BTBD1: variants seen among roughly 807,000 people sequenced by gnomAD.
BTBD1 encodes BTB domain containing 1.
In BTBD1, 34 loss-of-function variants were observed where a neutral mutation model predicts 48.0. That is an observed-to-expected ratio of 0.71 (90% CI 0.54 to 0.94). The LOEUF is 0.94. BTBD1 is among the 40% of genes least tolerant of loss of function. The probability of loss-of-function intolerance (pLI) is 0.00; values close to 1 mark genes in which losing one functional copy is unlikely to be tolerated. For missense variants in BTBD1, 543 were observed against 625.6 expected (o/e 0.87, Z 1.41); for synonymous variants, 261 against 242.1 (o/e 1.08, Z -0.72).
In BTBD1 at chr15:83,067,091, C is replaced by G; in HGVS notation, c.61G>C (p.Gly21Arg). The G allele has an allele frequency of 1.3e-6, 2 of 1,516,660 alleles. No individual in the cohort carries two copies. Among genetic ancestry groups the G allele is most frequent in the Non-Finnish European group, 1.8e-6 (2 of 1,139,168 alleles). The allele number at this position is 1,516,660 out of a possible 1,614,324, so 94.0% of individuals were successfully genotyped here. ...EQASGAEAEP[G>R]PAGPPPPPSP... ...GGCGGCGGCGGCGGCCCCGCGGGGC[C>G]CGGCTCCGCCTCAGCCCCCGACGCC... Residue 21 changes from glycine to arginine, a missense_variant, in exon 1 of 8, where the codon GGC becomes CGC. Around this residue, in one of 3 missense-constraint regions of BTBD1, gnomAD observed 173 missense variants for 163.9 expected, o/e 1.06. Coordinates refer to ENST00000261721, the MANE Select transcript of BTBD1 (RefSeq NM_025238.4).
At chr15:83,048,404 TG>T (rs1176465670) in intron 3 of BTBD1, among the ~76,000 whole-genome samples, 3 of 152,302 alleles carry the variant, frequency 2.0e-5, no homozygotes, top group Admixed American at 6.5e-5. Context: ...CGACAGGGAC[TG>T]AAGATACGTA....
At chr15:83,055,416 C>T (rs1391391044) in intron 2 of BTBD1, among the ~76,000 whole-genome samples, 3 of 152,164 alleles carry the variant, frequency 2.0e-5, no homozygotes, top group South Asian at 2.1e-4. Context: ...TGCCACCATG[C>T]TCGGCTAATT....
intron 2 of BTBD1, among the ~76,000 whole-genome samples, chr15:83,053,099 T>A (rs1420257388): frequency 6.6e-6 from 1 of 152,166 alleles, no homozygotes; most frequent in African/African-American, 2.4e-5. Context: ...TCCTATGGAA[T>A]CTACTGCTGC....
chr15:83,026,314 G>A (rs2032405329), intron 5 of BTBD1, among the ~76,000 whole-genome samples: 1 of 152,016 alleles, frequency 6.6e-6, no homozygotes, highest in Non-Finnish European at 1.5e-5. Context: ...CCCCAAGGAG[G>A]CATACTCGAT....
intron 3 of BTBD1, among the ~76,000 whole-genome samples, chr15:83,045,669 AT>A (rs1020399824): frequency 3.9e-5 from 6 of 152,062 alleles, no homozygotes; most frequent in Admixed American, 2.6e-4. Context: ...GTTACACATA[AT>A]TTTTTTTAAA....
chr15:83,050,456 G>A (rs1260146168), intron 2 of BTBD1, among the ~76,000 whole-genome samples: 1 of 151,654 alleles, frequency 6.6e-6, no homozygotes, highest in Non-Finnish European at 1.5e-5. Flanking sequence ...GTGTGTGTGT[G>A]TGTGTGTGTA....
intron 1 of BTBD1, among the ~76,000 whole-genome samples, chr15:83,060,933 G>A (rs1209850682): frequency 2.0e-5 from 3 of 152,182 alleles, no homozygotes; most frequent in Non-Finnish European, 4.4e-5. Context: ...AACATTTATT[G>A]AGGGACTATA....
rs34590396 is a variant in BTBD1 at position 83,039,984 on chromosome 15, G to GACACAC, written c.862+1738_862+1743dup. Among the ~76,000 whole-genome samples, 477 of 146,210 alleles carry GACACAC rather than the reference G, an allele frequency of 3.3e-3. 2 individuals carry two copies. The highest frequency in any genetic ancestry group is 8.7e-3 in the African/African-American group (345 of 39,760). On this transcript the variant is annotated intron_variant, in intron 4 of 7. Coordinates refer to ENST00000261721, the MANE Select transcript of BTBD1 (RefSeq NM_025238.4). ...CAGTGGTAGACTGGGTAGAGAATGTGACACACACACACACACACACACACA... is the reference window on the plus strand; with the variant it reads ...CAGTGGTAGACTGGGTAGAGAATGTGACACACACACACACACACACACACACACACA...
At chr15:83,063,649 C>A (rs917955585) in intron 1 of BTBD1, among the ~76,000 whole-genome samples, 1 of 152,186 alleles carries the variant, frequency 6.6e-6, no homozygotes, top group African/African-American at 2.4e-5. Context: ...TCAAAACTCT[C>A]CAAAGGCTTT....
At chr15:83,056,566 T>G (rs781356105) in intron 1 of BTBD1, 21 bp from the exon 2 acceptor site, 10 of 1,607,344 alleles carry the variant, frequency 6.2e-6, no homozygotes, top group Non-Finnish European at 8.5e-6. Context: ...ATTGGCATAT[T>G]TGCAGAGATG....
Position 83,066,986 on chromosome 15 carries a change from T to C in BTBD1, c.166A>G (p.Lys56Glu). Residue 56 changes from lysine to glutamate, a missense_variant, in exon 1 of 8, where the codon AAG becomes GAG. Physicochemically the swap from Lys to Glu is moderately conservative, Grantham distance 56. Transcript: ENST00000261721. The part of the protein sequence containing the change: ...YNWQATKASL[K>E]ERFAFLFNSE... ...TTGAAGAGGAAGGCGAAGCGCTCCT[T>C]CAGCGACGCCTTGGTCGCCTGCCAG... 1 of 1,584,320 alleles carries C rather than the reference T, an allele frequency of 6.3e-7. No homozygotes were observed. The highest frequency in any genetic ancestry group is 8.6e-7 in the Non-Finnish European group (1 of 1,167,404).
intron 1 of BTBD1, among the ~76,000 whole-genome samples, chr15:83,059,902 C>A (rs1205256603): frequency 1.3e-5 from 2 of 152,204 alleles, no homozygotes; most frequent in Non-Finnish European, 1.5e-5. Context: ...TGACAGCATA[C>A]ATTTTTCTAT....
At chr15:83,051,847 C>T (rs115073957) in intron 2 of BTBD1, among the ~76,000 whole-genome samples, 4,684 of 104,924 alleles carry the variant, frequency 0.045, 240 homozygotes, top group African/African-American at 0.17. Flanking sequence ...TAACATTTTG[C>T]CTCATTTATT....
chr15:83,040,058 G>T (rs1270486091), intron 4 of BTBD1, among the ~76,000 whole-genome samples: 1 of 150,832 alleles, frequency 6.6e-6, no homozygotes, highest in Non-Finnish European at 1.5e-5. Context: ...CCATAAAAAA[G>T]AACAAAATCA....
rs138937007 is a variant in BTBD1, at chr15:83,025,079, G to A, written c.1056-4317C>T. Among the ~76,000 whole-genome samples the A allele has an allele frequency of 1.6e-4, 24 of 152,192 alleles. 1 individual carries two copies. The East Asian group carries it at 4.1e-3, about 26-fold the overall frequency. ...CTGTTAAGAATTTTGCCAGCCGGGT[G>A]TGGTTGCTCACACCTGTAATCCCAG... On this transcript the variant is annotated intron_variant, in intron 5 of 7. Transcript: ENST00000261721.
chr15:83,066,944 C>T lies in BTBD1; in HGVS notation c.208G>A (p.Asp70Asn), dbSNP rs1156606973. The T allele has an allele frequency of 6.3e-7, 1 of 1,576,026 alleles. No homozygotes were observed. The highest frequency in any genetic ancestry group is 8.6e-7 in the Non-Finnish European group (1 of 1,164,046). Residue 70 changes from aspartate (D) to asparagine (N), a missense_variant, in exon 1 of 8, where the codon GAT becomes AAT. Coordinates refer to ENST00000261721, the MANE Select transcript of BTBD1 (RefSeq NM_025238.4). ...CCCTTGCCCAGTACGAAGCGCACATCGCTCAGCAGCTCCGAGTTGAAGAGG... is the reference window on the plus strand; with the variant it reads ...CCCTTGCCCAGTACGAAGCGCACATTGCTCAGCAGCTCCGAGTTGAAGAGG... ...AFLFNSELLS[D>N]VRFVLGKGRG...
chr15:83,046,162 G>A (rs535818415), intron 3 of BTBD1, among the ~76,000 whole-genome samples: 9 of 152,232 alleles, frequency 5.9e-5, no homozygotes, highest in Admixed American at 5.9e-4. Context: ...TTGGGAGGCT[G>A]AGGCGGGCAG....
chr15:83,037,946 C>T lies in BTBD1; in HGVS notation c.862+3782G>A, dbSNP rs149316983. Among the ~76,000 whole-genome samples the T allele has an allele frequency of 4.1e-3, 616 of 151,960 alleles. 4 individuals are homozygous for T. Among genetic ancestry groups the T allele is most frequent in the Non-Finnish European group, 6.3e-3 (429 of 67,932 alleles). Reference sequence around the variant, plus strand: ...TAAAAATACAAAAATTAGCTAGGCACGGTGGCAGGCACCTGTAATCCCAGC... The same window carrying T: ...TAAAAATACAAAAATTAGCTAGGCATGGTGGCAGGCACCTGTAATCCCAGC... On this transcript the variant is annotated intron_variant, in intron 4 of 7. Transcript: ENST00000261721.
chr15:83,043,515 A>G (rs780227203), intron 3 of BTBD1, among the ~76,000 whole-genome samples: 2 of 152,192 alleles, frequency 1.3e-5, no homozygotes, highest in Non-Finnish European at 2.9e-5. Flanking sequence ...CTGTGTTGAG[A>G]AGAGGCTATA....
Sources: allele counts gnomAD v4.1 joint callset (sites outside exome capture counted in the v4.1 genomes callset), GRCh38; gene constraint gnomAD v4.1.1; regional missense constraint gnomAD v4.1.1; transcripts MANE v1.5; gene names NCBI Gene and HGNC (gene_info 2026-07-23, HGNC 2026-07-21).